The following CLVS2 variants were observed in gnomAD, a reference collection of about 807,000 sequenced individuals.
CLVS2 encodes clavesin-2.
A neutral mutation model predicts 29.0 loss-of-function variants in CLVS2; 19 were observed. That is an observed-to-expected ratio of 0.66 (90% CI 0.46 to 0.96). The LOEUF is 0.96. Ranked by LOEUF, CLVS2 falls within the 40% of genes least tolerant of loss-of-function variation. The pLI, the probability that CLVS2 is intolerant of heterozygous loss-of-function variation, is 0.00. For missense variants in CLVS2, 294 were observed against 404.1 expected (o/e 0.73, Z 2.34); for synonymous variants, 161 against 151.3 (o/e 1.06, Z -0.47).
intron 2 of CLVS2, 30 bp from the exon 3 acceptor site, chr6:123,010,955 C>T (rs751918293): frequency 2.2e-6 from 3 of 1,383,544 alleles, no homozygotes; most frequent in African/African-American, 1.5e-5. Context: ...GGTTGTCAGA[C>T]CTAATTTAGT....
Position 123,033,774 on chromosome 6 carries a change from G to A in CLVS2, c.565-14848G>A, listed in dbSNP as rs958749284. 2.6e-5 allele frequency among the ~76,000 whole-genome samples: 4 copies of A among 151,898 alleles called. No individual in the cohort carries two copies. In the South Asian group the frequency reaches 6.2e-4, roughly 24 times the overall value. On this transcript the variant is annotated intron_variant, in intron 3 of 5. Transcript: ENST00000275162. ...AAACATCCTGTTAAAAGGATGAAAA[G>A]ATAAGCCACCGATGGGGAGAAAATA...
intron 4 of CLVS2, among the ~76,000 whole-genome samples, chr6:123,049,295 A>G (rs1772568345): frequency 6.6e-6 from 1 of 152,164 alleles, no homozygotes; most frequent in Non-Finnish European, 1.5e-5. Flanking sequence ...GGATAGTCAA[A>G]GTGCATAAAA....
intron 5 of CLVS2, among the ~76,000 whole-genome samples, chr6:123,057,793 G>A (rs1772715524): frequency 6.6e-6 from 1 of 152,118 alleles, no homozygotes; most frequent in South Asian, 2.1e-4. Context: ...TAGTTAGCAA[G>A]CTTATATTTA....
chr6:123,032,300 T>C (rs1775093661), intron 3 of CLVS2, among the ~76,000 whole-genome samples: 1 of 152,148 alleles, frequency 6.6e-6, no homozygotes, highest in Non-Finnish European at 1.5e-5. Context: ...TGCTTTTCTT[T>C]TAAAAAATGT....
At chr6:123,044,663 T>C (rs747367298) in intron 3 of CLVS2, among the ~76,000 whole-genome samples, 12 of 152,098 alleles carry the variant, frequency 7.9e-5, no homozygotes, top group Non-Finnish European at 1.2e-4. Context: ...TCTCCTGCTA[T>C]TTGGTAAATC....
chr6:123,022,828 C>A (rs535684951), intron 3 of CLVS2, among the ~76,000 whole-genome samples: 1 of 152,140 alleles, frequency 6.6e-6, no homozygotes, highest in African/African-American at 2.4e-5. Context: ...CCCATTATTT[C>A]TCTTAAGATG....
At chr6:123,035,526 C>T (rs1775141746) in intron 3 of CLVS2, among the ~76,000 whole-genome samples, 1 of 152,006 alleles carries the variant, frequency 6.6e-6, no homozygotes, top group African/African-American at 2.4e-5. Flanking sequence ...AGTTGAGCTA[C>T]ACTATCTATT....
In CLVS2 at chr6:123,064,312, T is replaced by C. The variant is rs1459679961; in HGVS notation, c.*551T>C. ...TCAGAGAAATGTGTCTTAGTAACTA[T>C]CATTGGCCTTGCATTTTGGAGGCAA... On this transcript the variant is annotated 3_prime_UTR_variant, in exon 6 of 6. Coordinates refer to ENST00000275162, the MANE Select transcript of CLVS2 (RefSeq NM_001010852.4). 2.0e-5 allele frequency: 3 copies of C among 152,104 alleles called. No homozygotes were observed. The highest frequency in any genetic ancestry group is 2.9e-5 in the Non-Finnish European group (2 of 67,972). 9.4% of individuals were successfully genotyped at this position (152,104 alleles called of 1,614,324 possible).
chr6:123,001,961 T>G (rs1002782632), intron 2 of CLVS2, among the ~76,000 whole-genome samples: 1 of 152,212 alleles, frequency 6.6e-6, no homozygotes. Context: ...GTTGTCAGCC[T>G]GCAAGTCATA....
intron 3 of CLVS2, among the ~76,000 whole-genome samples, chr6:123,013,092 C>A (rs150035787): frequency 0.011 from 1,632 of 152,066 alleles, 37 homozygotes; most frequent in African/African-American, 0.036. Context: ...AGAAATGTTC[C>A]GTTGTGACAT....
intron 2 of CLVS2, among the ~76,000 whole-genome samples, chr6:123,001,901 G>A (rs1774593441): frequency 6.6e-6 from 1 of 152,148 alleles, no homozygotes; most frequent in Non-Finnish European, 1.5e-5. Context: ...GAGTGAAATT[G>A]TGTCACCTGA....
Position 123,071,425 on chromosome 6 carries a change from A to C in CLVS2, c.*7664A>C, listed in dbSNP as rs1486480342. 6.6e-6 allele frequency: 1 copy of C among 152,000 alleles called. No individual in the cohort carries two copies. The highest frequency in any genetic ancestry group is 2.4e-5 in the African/African-American group (1 of 41,422). 9.4% of individuals were successfully genotyped at this position (152,000 alleles called of 1,614,324 possible). ...ATCAGTATTTCAGTTTTGTCTTTAG[A>C]AGTTACTCAACGATCACTGGACCCT... On this transcript the variant is annotated 3_prime_UTR_variant, in exon 6 of 6. Transcript: ENST00000275162.
intron 3 of CLVS2, among the ~76,000 whole-genome samples, chr6:123,030,287 C>T (rs1775065003): frequency 6.6e-6 from 1 of 152,120 alleles, no homozygotes; most frequent in African/African-American, 2.4e-5. Context: ...TTATAAGAGA[C>T]AGATAAGAGA....
At chr6:123,011,951 C>G (rs1774754175) in intron 3 of CLVS2, among the ~76,000 whole-genome samples, 1 of 151,782 alleles carries the variant, frequency 6.6e-6, no homozygotes, top group Non-Finnish European at 1.5e-5. Flanking sequence ...TTGAGTAAGC[C>G]CAAGTCATCT....
rs916299238 is a variant in CLVS2 at position 123,071,995 on chromosome 6, C to T, written c.*8234C>T. ...CAGTCACAATTGTTCTTAACTATCC[C>T]AAATTTTTATTTCCTATTTGGACTG... On this transcript the variant is annotated 3_prime_UTR_variant, in exon 6 of 6. Transcript: ENST00000275162. 1.4e-4 allele frequency: 22 copies of T among 151,988 alleles called. No individual in the cohort carries two copies. Among genetic ancestry groups the T allele is most frequent in the Admixed American group, 1.1e-3 (17 of 15,222 alleles). 9.4% of individuals were successfully genotyped at this position (151,988 alleles called of 1,614,324 possible). A position where few individuals can be genotyped will look rare whatever the true frequency, so the allele number is the denominator to read the frequency against.
intron 5 of CLVS2, among the ~76,000 whole-genome samples, chr6:123,058,022 T>G (rs1772720369): frequency 6.6e-6 from 1 of 152,186 alleles, no homozygotes; most frequent in Admixed American, 6.5e-5. Context: ...ATTTGAAAGT[T>G]TTTAAAAACA....
At chr6:123,061,792 T>C (rs1464012320) in intron 5 of CLVS2, among the ~76,000 whole-genome samples, 4 of 152,208 alleles carry the variant, frequency 2.6e-5, no homozygotes, top group African/African-American at 9.6e-5. Context: ...GGCAAATGCT[T>C]AACTATTGTG....
intron 2 of CLVS2, among the ~76,000 whole-genome samples, chr6:123,007,786 A>G (rs1298326732): frequency 6.6e-6 from 1 of 152,210 alleles, no homozygotes; most frequent in African/African-American, 2.4e-5. Flanking sequence ...ATCAGGAGTC[A>G]AGAGCTGCAA....
intron 5 of CLVS2, among the ~76,000 whole-genome samples, chr6:123,062,922 C>G (rs980152957): frequency 6.6e-6 from 1 of 152,204 alleles, no homozygotes; most frequent in African/African-American, 2.4e-5. Context: ...TGATTTTCCT[C>G]TTTCCCATTC....
Sources: gnomAD v4.1 joint callset for allele counts (sites outside exome capture counted in the v4.1 genomes callset) on GRCh38, gnomAD v4.1.1 for gene constraint, MANE v1.5 for transcripts, NCBI Gene and HGNC (gene_info 2026-07-23, HGNC 2026-07-21) for gene names.